Variants in CNTNAP5 observed in about 807,000 individuals in gnomAD.
CNTNAP5 encodes the protein contactin associated protein family member 5.
Under a neutral mutation model 150.2 loss-of-function variants are expected in CNTNAP5, and 72 were observed. That is an observed-to-expected ratio of 0.48 (90% CI 0.40 to 0.58). The LOEUF (loss-of-function observed/expected upper bound fraction) is 0.58, where lower values mean the gene tolerates loss of function less well. Ranked by LOEUF, CNTNAP5 falls within the 20% of genes least tolerant of loss-of-function variation. CNTNAP5 has a pLI of 0.00. For missense variants in CNTNAP5, 1,636 were observed against 1,626.2 expected, an observed-to-expected ratio of 1.01 and a Z score of -0.10; for synonymous variants, 672 against 619.8, an observed-to-expected ratio of 1.08 and a Z score of -1.25.
intron 1 of CNTNAP5, among the ~76,000 whole-genome samples, chr2:124,032,855 C>G (rs996203490): frequency 6.6e-6 from 1 of 152,202 alleles, no homozygotes; most frequent in Non-Finnish European, 1.5e-5. Flanking sequence ...TTGTATAGCA[C>G]ATGCTGTCTC....
chr2:124,067,344 A>G (rs1003620858), intron 1 of CNTNAP5, among the ~76,000 whole-genome samples: 22 of 152,126 alleles, frequency 1.4e-4, no homozygotes, highest in Non-Finnish European at 2.6e-4. Flanking sequence ...GAGGCTCTAG[A>G]GGACAATCTG....
At chr2:124,451,375 A>G (rs1692978254) in intron 6 of CNTNAP5, among the ~76,000 whole-genome samples, 1 of 151,890 alleles carries the variant, frequency 6.6e-6, no homozygotes, top group African/African-American at 2.4e-5. Flanking sequence ...TTCTTCTAGG[A>G]ATGGCATAAA....
At chr2:124,430,018 G>A (rs1558898555) in intron 4 of CNTNAP5, among the ~76,000 whole-genome samples, 2 of 152,306 alleles carry the variant, frequency 1.3e-5, no homozygotes, top group Admixed American at 6.5e-5. Flanking sequence ...ATGCATTGAC[G>A]TGTTGGACAA....
At chr2:124,566,888 G>A (rs981213202) in intron 11 of CNTNAP5, among the ~76,000 whole-genome samples, 3 of 152,084 alleles carry the variant, frequency 2.0e-5, no homozygotes, top group African/African-American at 7.2e-5. Flanking sequence ...TGGCACACAG[G>A]GCACCCTTTG....
At chr2:124,662,769 A>G (rs1252741171) in intron 13 of CNTNAP5, among the ~76,000 whole-genome samples, 1 of 152,226 alleles carries the variant, frequency 6.6e-6, no homozygotes, top group Non-Finnish European at 1.5e-5. Flanking sequence ...GCCAACTAGA[A>G]CATACTATAC....
intron 13 of CNTNAP5, among the ~76,000 whole-genome samples, chr2:124,735,233 A>G (rs1680356814): frequency 1.3e-5 from 2 of 152,328 alleles, no homozygotes; most frequent in East Asian, 1.9e-4. Context: ...ATCCCAGATC[A>G]TTCTGATTCA....
At chr2:124,639,933 C>T (rs1188049524) in intron 12 of CNTNAP5, among the ~76,000 whole-genome samples, 1 of 152,020 alleles carries the variant, frequency 6.6e-6, no homozygotes, top group African/African-American at 2.4e-5. Context: ...TTCCCACCCA[C>T]TCCCCCCTTT....
chr2:124,600,509 A>G (rs1696960900), intron 11 of CNTNAP5, among the ~76,000 whole-genome samples: 1 of 152,128 alleles, frequency 6.6e-6, no homozygotes, highest in Non-Finnish European at 1.5e-5. Flanking sequence ...CCTTACACAC[A>G]TGGAATCAAT....
intron 11 of CNTNAP5, among the ~76,000 whole-genome samples, chr2:124,598,187 G>A (rs1243195902): frequency 1.4e-5 from 2 of 138,852 alleles, no homozygotes; most frequent in Non-Finnish European, 3.1e-5. Context: ...TTGCTGGTGA[G>A]GAACTGCGTT....
At chr2:124,805,688 A>G (rs1033879432) in intron 19 of CNTNAP5, among the ~76,000 whole-genome samples, 1 of 152,182 alleles carries the variant, frequency 6.6e-6, no homozygotes, top group Admixed American at 6.5e-5. Context: ...ACAAAATACC[A>G]CAGACTGAAT....
Position 124,040,538 on chromosome 2 carries a change from G to T in CNTNAP5, c.82+14806G>T, listed in dbSNP as rs189867764. Among the ~76,000 whole-genome samples the T allele has an allele frequency of 2.6e-3, 385 of 147,990 alleles. 1 individual carries two copies. The highest frequency in any genetic ancestry group is 4.5e-3 in the Non-Finnish European group (303 of 66,836). On this transcript the variant is annotated intron_variant, in intron 1 of 23. Coordinates refer to ENST00000682447, the MANE Select transcript of CNTNAP5 (RefSeq NM_001367498.1). The stretch of plus-strand genomic sequence containing the variant: ...TGTGTTTTGTAAATATAATGTGTTT[G>T]TACATATATATATGTATGTTCATAC...
intron 13 of CNTNAP5, among the ~76,000 whole-genome samples, chr2:124,684,017 C>T (rs769482152): frequency 4.1e-4 from 63 of 152,064 alleles, no homozygotes; most frequent in Non-Finnish European, 6.0e-4. Flanking sequence ...TGTCATGTTT[C>T]CAAAGGATAA....
intron 3 of CNTNAP5, among the ~76,000 whole-genome samples, chr2:124,293,866 A>G (rs1452545606): frequency 6.6e-6 from 1 of 151,146 alleles, no homozygotes; most frequent in Non-Finnish European, 1.5e-5. Context: ...CTTGGGGTAG[A>G]TTTCAAAGGA....
intron 1 of CNTNAP5, among the ~76,000 whole-genome samples, chr2:124,104,618 G>A (rs1028944178): frequency 2.0e-5 from 3 of 152,114 alleles, no homozygotes; most frequent in African/African-American, 7.2e-5. Flanking sequence ...ATCGTATAGT[G>A]TTACTTATAT....
In CNTNAP5 at chr2:124,920,729, A is replaced by G. The variant is rs942686622; in HGVS notation, c.*6441A>G. 2.0e-5 allele frequency among the ~76,000 whole-genome samples: 3 copies of G among 152,112 alleles called. No individual in the cohort carries two copies. The highest frequency in any genetic ancestry group is 4.1e-4 in the South Asian group (2 of 4,830). Reference sequence around the variant, plus strand: ...CAATATAACTTTATTTACAAAATCTAATTTAGTTCATAGGTTACGGTTTGC... The same window carrying G: ...CAATATAACTTTATTTACAAAATCTGATTTAGTTCATAGGTTACGGTTTGC... On this transcript the variant is annotated 3_prime_UTR_variant, in exon 24 of 24. Coordinates refer to ENST00000682447, the MANE Select transcript of CNTNAP5 (RefSeq NM_001367498.1).
At chr2:124,651,652 G>A (rs999483768) in intron 13 of CNTNAP5, among the ~76,000 whole-genome samples, 14 of 152,326 alleles carry the variant, frequency 9.2e-5, no homozygotes, top group African/African-American at 2.9e-4. Flanking sequence ...AAGCGGCCAA[G>A]AGCCAAGAGT....
At chr2:124,247,647 C>T (rs1056383583) in intron 3 of CNTNAP5, among the ~76,000 whole-genome samples, 1 of 151,732 alleles carries the variant, frequency 6.6e-6, no homozygotes, top group African/African-American at 2.4e-5. Flanking sequence ...AGGAGAAATG[C>T]TATAAGCAAA....
intron 3 of CNTNAP5, among the ~76,000 whole-genome samples, chr2:124,402,411 T>C (rs1037470244): frequency 6.6e-6 from 1 of 151,276 alleles, no homozygotes; most frequent in Non-Finnish European, 1.5e-5. Context: ...GAGCACAGAG[T>C]CGATAGCGAC....
intron 7 of CNTNAP5, among the ~76,000 whole-genome samples, chr2:124,480,000 T>G (rs926627540): frequency 6.6e-6 from 1 of 152,202 alleles, no homozygotes; most frequent in African/African-American, 2.4e-5. Context: ...AATAAAAACA[T>G]CTATAAATCC....
Sources: allele counts gnomAD v4.1 joint callset (sites outside exome capture counted in the v4.1 genomes callset), GRCh38; gene constraint gnomAD v4.1.1; transcripts MANE v1.5; gene names NCBI Gene and HGNC (gene_info 2026-07-23, HGNC 2026-07-21).